The following CSGALNACT1 variants were observed in gnomAD, a reference collection of about 807,000 sequenced individuals.
The protein encoded by CSGALNACT1 is beta4GalNAcT-1.
CSGALNACT1 carries 52 observed loss-of-function variants against 51.0 expected under a neutral mutation model. That is an observed-to-expected ratio of 1.02 (90% CI 0.82 to 1.29). CSGALNACT1 has a LOEUF of 1.29. Ranked by LOEUF, CSGALNACT1 falls within the 50% of genes most tolerant of loss-of-function variation. The pLI, the probability that CSGALNACT1 is intolerant of heterozygous loss-of-function variation, is 0.00. For missense variants in CSGALNACT1, 935 were observed against 679.2 expected (o/e 1.38, Z -4.19); for synonymous variants, 341 against 254.4 (o/e 1.34, Z -3.24).
rs11784776 is a variant in CSGALNACT1, at chr8:19,494,220, A to C, written c.634+10981T>G. On this transcript the variant is annotated intron_variant, in intron 4 of 9. Transcript: ENST00000454498. ...ATGCGCCAGCACTAACTGGTTACCT[A>C]TGGATCTCCAGATCAACCAGCTTGT... Among the ~76,000 whole-genome samples the C allele has an allele frequency of 1.1e-3, 160 of 152,136 alleles. 1 individual carries two copies. In the South Asian group the frequency reaches 0.032, roughly 30 times the overall value.
At chr8:19,555,928 G>A (rs1296647264) in intron 3 of CSGALNACT1, among the ~76,000 whole-genome samples, 1 of 152,130 alleles carries the variant, frequency 6.6e-6, no homozygotes, top group Non-Finnish European at 1.5e-5. Context: ...GAAGTAAAAT[G>A]ATCCTCTTTA....
intron 3 of CSGALNACT1, among the ~76,000 whole-genome samples, chr8:19,512,134 A>G (rs1203387023): frequency 1.3e-5 from 2 of 152,184 alleles, no homozygotes; most frequent in African/African-American, 2.4e-5. Context: ...TAAGTTGTAA[A>G]AGGGGGCAGC....
intron 1 of CSGALNACT1, among the ~76,000 whole-genome samples, chr8:19,727,540 G>C (rs537066827): frequency 1.3e-5 from 2 of 152,184 alleles, no homozygotes; most frequent in East Asian, 3.9e-4. Context: ...GTGTAGAGAT[G>C]GGGTTTCAAC....
chr8:19,501,568 G>A (rs945214611), intron 4 of CSGALNACT1, among the ~76,000 whole-genome samples: 1 of 152,208 alleles, frequency 6.6e-6, no homozygotes, highest in African/African-American at 2.4e-5. Flanking sequence ...GGAGGAGGAT[G>A]AGCCACACAG....
intron 3 of CSGALNACT1, among the ~76,000 whole-genome samples, chr8:19,556,369 C>G (rs1397557043): frequency 7.0e-6 from 1 of 142,172 alleles, no homozygotes; most frequent in African/African-American, 2.8e-5. Flanking sequence ...AAGAGTGAAA[C>G]TCCATCTCTC....
At chr8:19,752,382 G>A (rs1213010410) in intron 1 of CSGALNACT1, among the ~76,000 whole-genome samples, 1 of 152,068 alleles carries the variant, frequency 6.6e-6, no homozygotes. Flanking sequence ...ACCCGACATG[G>A]AACAGTCTAC....
chr8:19,434,958 T>G (rs574059044), intron 6 of CSGALNACT1, among the ~76,000 whole-genome samples: 1 of 152,162 alleles, frequency 6.6e-6, no homozygotes, highest in African/African-American at 2.4e-5. Flanking sequence ...GTCAAATCAT[T>G]TGAAAGAGGT....
chr8:19,489,759 C>A (rs2073944056), intron 4 of CSGALNACT1, among the ~76,000 whole-genome samples: 1 of 152,116 alleles, frequency 6.6e-6, no homozygotes, highest in Non-Finnish European at 1.5e-5. Flanking sequence ...CTTTCCTTAG[C>A]CCTGTTAAAC....
At chr8:19,480,734 T>TA (rs1424287520) in intron 4 of CSGALNACT1, among the ~76,000 whole-genome samples, 1 of 152,194 alleles carries the variant, frequency 6.6e-6, no homozygotes, top group Non-Finnish European at 1.5e-5. Flanking sequence ...GTAAAACGTG[T>TA]ATTTACAGAC....
intron 1 of CSGALNACT1, among the ~76,000 whole-genome samples, chr8:19,617,806 T>C (rs936079874): frequency 6.6e-6 from 1 of 152,220 alleles, no homozygotes; most frequent in Non-Finnish European, 1.5e-5. Flanking sequence ...TAACATGTCA[T>C]TTAATTAATA....
intron 1 of CSGALNACT1, among the ~76,000 whole-genome samples, chr8:19,611,607 A>T (rs1391210117): frequency 1.3e-5 from 2 of 152,180 alleles, no homozygotes; most frequent in Non-Finnish European, 2.9e-5. Flanking sequence ...TGGGATACAA[A>T]CCCAGGTGGT....
intron 4 of CSGALNACT1, among the ~76,000 whole-genome samples, chr8:19,484,367 TG>T: frequency 6.6e-6 from 1 of 152,294 alleles, no homozygotes; most frequent in Middle Eastern, 3.4e-3. Flanking sequence ...AGGTGTCCAC[TG>T]GGGGTCTTGG....
At chr8:19,631,001 C>A (rs886229720) in intron 1 of CSGALNACT1, among the ~76,000 whole-genome samples, 1 of 152,080 alleles carries the variant, frequency 6.6e-6, no homozygotes, top group Non-Finnish European at 1.5e-5. Flanking sequence ...CATTGGAGCT[C>A]GCTGGGTTTT....
intron 1 of CSGALNACT1, among the ~76,000 whole-genome samples, chr8:19,707,994 C>T (rs940773959): frequency 9.2e-5 from 14 of 152,010 alleles, no homozygotes; most frequent in African/African-American, 2.7e-4. Context: ...GGTGACGGAG[C>T]GAGACTCCAT....
intron 1 of CSGALNACT1, among the ~76,000 whole-genome samples, chr8:19,619,534 G>A (rs935470862): frequency 1.5e-4 from 23 of 152,188 alleles, no homozygotes; most frequent in African/African-American, 5.3e-4. Flanking sequence ...CAAGCAGAAG[G>A]TTCCAGCAGT....
intron 3 of CSGALNACT1, among the ~76,000 whole-genome samples, chr8:19,570,208 TAA>T (rs1487040234): frequency 6.6e-6 from 1 of 152,160 alleles, no homozygotes; most frequent in Non-Finnish European, 1.5e-5. Context: ...GTACTTTATG[TAA>T]GTTATACCTC....
At chr8:19,701,441 A>C (rs2061874357) in intron 1 of CSGALNACT1, among the ~76,000 whole-genome samples, 1 of 152,138 alleles carries the variant, frequency 6.6e-6, no homozygotes, top group Non-Finnish European at 1.5e-5. Context: ...GGTGTGAGCC[A>C]CTGCACCAAG....
At chr8:19,666,814 AG>A (rs1231849555) in intron 1 of CSGALNACT1, among the ~76,000 whole-genome samples, 23 of 23,660 alleles carry the variant, frequency 9.7e-4, no homozygotes, top group South Asian at 5.5e-3. Context: ...AAAGAAAGAG[AG>A]AGAGAGAGAG....
intron 3 of CSGALNACT1, among the ~76,000 whole-genome samples, chr8:19,517,359 G>C (rs1377521775): frequency 6.6e-6 from 1 of 152,158 alleles, no homozygotes; most frequent in Non-Finnish European, 1.5e-5. Context: ...AGAATCGCTT[G>C]AATCTGGGAG....
Sources: allele counts gnomAD v4.1 joint callset (sites outside exome capture counted in the v4.1 genomes callset), GRCh38; gene constraint gnomAD v4.1.1; transcripts MANE v1.5; gene names NCBI Gene and HGNC (gene_info 2026-07-23, HGNC 2026-07-21).